HS3ST4: variants seen among roughly 807,000 people sequenced by gnomAD.
HS3ST4 encodes heparan sulfate-glucosamine 3-sulfotransferase 4.
HS3ST4 carries 17 observed loss-of-function variants against 29.2 expected under a neutral mutation model. That is an observed-to-expected ratio of 0.58 (90% CI 0.40 to 0.87). The LOEUF is 0.87. HS3ST4 is among the 40% of genes least tolerant of loss of function. The pLI is 0.00. For missense variants in HS3ST4, 627 were observed against 634.5 expected (o/e 0.99, Z 0.13); for synonymous variants, 314 against 285.7 (o/e 1.10, Z -1.00).
intron 1 of HS3ST4, among the ~76,000 whole-genome samples, chr16:26,114,093 A>T (rs1899170767): frequency 6.6e-6 from 1 of 152,156 alleles, no homozygotes; most frequent in Non-Finnish European, 1.5e-5. Context: ...AAAATGCAAG[A>T]TATGACAAAT....
At chr16:25,801,057 G>A (rs1023496790) in intron 1 of HS3ST4, among the ~76,000 whole-genome samples, 11 of 152,130 alleles carry the variant, frequency 7.2e-5, no homozygotes, top group Admixed American at 2.0e-4. Context: ...CTATAATGAA[G>A]TTTATGATTC....
At chr16:26,109,348 G>T (rs1251839737) in intron 1 of HS3ST4, among the ~76,000 whole-genome samples, 1 of 152,174 alleles carries the variant, frequency 6.6e-6, no homozygotes, top group Non-Finnish European at 1.5e-5. Flanking sequence ...TTTTCTGCAT[G>T]TGCGTGAGTC....
intron 1 of HS3ST4, among the ~76,000 whole-genome samples, chr16:26,132,995 T>C (rs927421319): frequency 6.6e-6 from 1 of 152,220 alleles, no homozygotes; most frequent in Non-Finnish European, 1.5e-5. Context: ...GAGCTAATGG[T>C]AGCTCCCTTG....
In HS3ST4 at chr16:25,693,067, T is replaced by G; in HGVS notation, c.650T>G (p.Ile217Ser). 1.2e-6 allele frequency: 2 copies of G among 1,608,746 alleles called. No homozygotes were observed. The highest frequency in any genetic ancestry group is 1.7e-6 in the Non-Finnish European group (2 of 1,177,982). The change falls in exon 1 of 2, where the codon ATC (isoleucine) becomes AGC (serine). Residue 217 changes from isoleucine (I) to serine (S), a missense_variant. Physicochemically the swap from Ile to Ser is moderately radical, Grantham distance 142. Transcript: ENST00000331351. ...GGGACCCGCGCGCTGCTGGAGGCGA[T>G]CCGCGTGCACCCGGACGTGCGGGCG... is the stretch of plus-strand genomic sequence containing the variant. ...KGGTRALLEA[I>S]RVHPDVRAVG...
chr16:26,095,273 A>G (rs909256898), intron 1 of HS3ST4, among the ~76,000 whole-genome samples: 1 of 152,188 alleles, frequency 6.6e-6, no homozygotes, highest in Admixed American at 6.5e-5. Flanking sequence ...GACCTAATAG[A>G]CATCTACAGA....
At chr16:25,724,145 C>T (rs1291112596) in intron 1 of HS3ST4, among the ~76,000 whole-genome samples, 3 of 150,406 alleles carry the variant, frequency 2.0e-5, no homozygotes, top group African/African-American at 4.9e-5. Flanking sequence ...AAATCTACCA[C>T]CTGCCATTGT....
intron 1 of HS3ST4, among the ~76,000 whole-genome samples, chr16:25,704,675 C>T (rs1024199399): frequency 9.2e-5 from 14 of 151,836 alleles, no homozygotes; most frequent in Admixed American, 7.9e-4. Context: ...GTCAGGAGTT[C>T]GAGACCAGCC....
intron 1 of HS3ST4, among the ~76,000 whole-genome samples, chr16:25,998,932 A>G (rs1177076154): frequency 1.3e-5 from 2 of 152,132 alleles, no homozygotes; most frequent in Non-Finnish European, 2.9e-5. Context: ...TGACATAAGC[A>G]TTTTCTGTTC....
At chr16:26,035,066 A>G (rs961360990) in intron 1 of HS3ST4, among the ~76,000 whole-genome samples, 20 of 152,234 alleles carry the variant, frequency 1.3e-4, no homozygotes, top group African/African-American at 4.6e-4. Context: ...AGACATTGAT[A>G]TAACTGTGCT....
intron 1 of HS3ST4, among the ~76,000 whole-genome samples, chr16:25,984,746 C>CT (rs1221302323): frequency 3.9e-5 from 6 of 152,210 alleles, no homozygotes; most frequent in African/African-American, 1.4e-4. Flanking sequence ...GGACTTCATA[C>CT]TTTTTTACAG....
Position 26,135,988 on chromosome 16 carries a change from G to T in HS3ST4, c.1111G>T (p.Val371Leu). 6.2e-7 allele frequency: 1 copy of T among 1,613,994 alleles called. No individual in the cohort carries two copies. The highest frequency in any genetic ancestry group is 8.5e-7 in the Non-Finnish European group (1 of 1,179,886). The change falls in exon 2 of 2, where the codon GTA (valine) becomes TTA (leucine). Residue 371 changes from valine to leucine, a missense_variant. Physicochemically the swap from Val to Leu is conservative, Grantham distance 32 (BLOSUM62 1). Transcript: ENST00000331351. ...GGACCCCGCCGGGGAAATGGCCAAA[G>T]TACAGGATTTTCTAGGCCTCAAACG... ...IVDPAGEMAKVQDFLGLKRVV... is the reference protein window; with the variant it reads ...IVDPAGEMAKLQDFLGLKRVV...
intron 1 of HS3ST4, among the ~76,000 whole-genome samples, chr16:26,038,649 T>TAAA (rs1471344256): frequency 1.3e-5 from 2 of 149,282 alleles, no homozygotes; most frequent in African/African-American, 4.9e-5. Context: ...CTATTTTTTT[T>TAAA]TTAATTATGT....
At position 26,136,337 on chromosome 16, in the gene HS3ST4, G is replaced by C. The variant is rs1425675892; in HGVS notation, c.*89G>C. The C allele has an allele frequency of 3.2e-6, 4 of 1,249,880 alleles. No homozygotes were observed. Among genetic ancestry groups the C allele is most frequent in the South Asian group, 1.5e-5 (1 of 65,156 alleles). 77.4% of individuals were successfully genotyped at this position (1,249,880 alleles called of 1,614,324 possible). On this transcript the variant is annotated 3_prime_UTR_variant, in exon 2 of 2. Coordinates refer to ENST00000331351, the MANE Select transcript of HS3ST4 (RefSeq NM_006040.3). Reference sequence around the variant, plus strand: ...TACCCCAGCTTCTGCAGCTTCACTTGCTGGAGTGCCAAGTAGATCTCCTCC... The same window carrying C: ...TACCCCAGCTTCTGCAGCTTCACTTCCTGGAGTGCCAAGTAGATCTCCTCC...
chr16:25,907,238 G>A (rs2141676382), intron 1 of HS3ST4, among the ~76,000 whole-genome samples: 1 of 152,168 alleles, frequency 6.6e-6, no homozygotes, highest in Admixed American at 6.5e-5. Flanking sequence ...TTTGGCAGGT[G>A]AGAGACATGG....
At chr16:25,837,347 CA>C (rs1294132866) in intron 1 of HS3ST4, among the ~76,000 whole-genome samples, 1 of 152,064 alleles carries the variant, frequency 6.6e-6, no homozygotes, top group Non-Finnish European at 1.5e-5. Flanking sequence ...TGTACAGACT[CA>C]GGGGGAAGTG....
intron 1 of HS3ST4, among the ~76,000 whole-genome samples, chr16:25,724,455 C>T (rs1966518372): frequency 1.3e-5 from 2 of 151,268 alleles, no homozygotes. Context: ...CCTCCATCTC[C>T]CAGGTTCAAG....
intron 1 of HS3ST4, among the ~76,000 whole-genome samples, chr16:25,716,074 G>T (rs956682651): frequency 2.0e-5 from 3 of 152,206 alleles, no homozygotes; most frequent in Non-Finnish European, 4.4e-5. Flanking sequence ...CTGGTGTGGC[G>T]ATGGTAGTGG....
chr16:25,767,255 C>T (rs1966826340), intron 1 of HS3ST4, among the ~76,000 whole-genome samples: 2 of 152,204 alleles, frequency 1.3e-5, no homozygotes, highest in African/African-American at 2.4e-5. Flanking sequence ...TAAAGAAAGT[C>T]TCCCCTCACT....
intron 1 of HS3ST4, among the ~76,000 whole-genome samples, chr16:26,095,814 C>G (rs1046226832): frequency 4.6e-5 from 7 of 152,062 alleles, no homozygotes; most frequent in African/African-American, 1.7e-4. Flanking sequence ...TTCAAAAAAT[C>G]AGTGAATCCA....
Sources: allele counts gnomAD v4.1 joint callset (sites outside exome capture counted in the v4.1 genomes callset), GRCh38; gene constraint gnomAD v4.1.1; transcripts MANE v1.5; gene names NCBI Gene and HGNC (gene_info 2026-07-23, HGNC 2026-07-21).